Variants in AGBL1 observed in about 807,000 individuals in gnomAD.
AGBL1 encodes AGBL carboxypeptidase 1, also known as cytosolic carboxypeptidase 4.
A neutral mutation model predicts 118.9 loss-of-function variants in AGBL1; 130 were observed. That is an observed-to-expected ratio of 1.09 (90% CI 0.95 to 1.26). AGBL1 has a LOEUF of 1.26. Among genes scored for constraint, AGBL1 ranks in the 50% most tolerant of loss-of-function variants. The pLI is 0.00. For synonymous variants in AGBL1, 555 were observed against 478.9 expected, an observed-to-expected ratio of 1.16 and a Z score of -2.08; for missense variants, 1,584 against 1,298.1, an observed-to-expected ratio of 1.22 and a Z score of -3.38.
At chr15:86,541,361 G>T (rs1345971347) in intron 19 of AGBL1, among the ~76,000 whole-genome samples, 2 of 152,044 alleles carry the variant, frequency 1.3e-5, no homozygotes, top group African/African-American at 4.8e-5. Flanking sequence ...AAGACCTCCA[G>T]GTTATTCTGA....
At chr15:86,176,761 A>T (rs1462496013) in intron 5 of AGBL1, among the ~76,000 whole-genome samples, 1 of 152,058 alleles carries the variant, frequency 6.6e-6, no homozygotes, top group Non-Finnish European at 1.5e-5. Flanking sequence ...CCTAAACTAC[A>T]TCTCTGGAAC....
At chr15:86,816,547 T>G (rs1230188325) in intron 22 of AGBL1, among the ~76,000 whole-genome samples, 2 of 152,050 alleles carry the variant, frequency 1.3e-5, no homozygotes, top group African/African-American at 4.8e-5. Context: ...TAAGAGAAGG[T>G]GACAGGTAAA....
chr15:86,528,299 G>C (rs1291773918), intron 19 of AGBL1, among the ~76,000 whole-genome samples: 1 of 152,244 alleles, frequency 6.6e-6, no homozygotes, highest in Non-Finnish European at 1.5e-5. Flanking sequence ...CACCTGGGAA[G>C]CGCAAGGGGT....
chr15:86,208,118 A>G (rs1300603030), intron 5 of AGBL1, among the ~76,000 whole-genome samples: 3 of 152,078 alleles, frequency 2.0e-5, no homozygotes, highest in Non-Finnish European at 4.4e-5. Context: ...GTGATGGATT[A>G]TGTTTATTGA....
At chr15:86,265,648 C>T (rs2079059990) in intron 11 of AGBL1, among the ~76,000 whole-genome samples, 1 of 152,094 alleles carries the variant, frequency 6.6e-6, no homozygotes, top group South Asian at 2.1e-4. Context: ...TCCAACCCTA[C>T]CCCCTGCACT....
intron 22 of AGBL1, among the ~76,000 whole-genome samples, chr15:86,826,993 CTT>C (rs1440353290): frequency 1.3e-5 from 2 of 151,664 alleles, no homozygotes; most frequent in Non-Finnish European, 2.9e-5. Context: ...ATCAAGGTGA[CTT>C]TTGATTAAAG....
intron 21 of AGBL1, among the ~76,000 whole-genome samples, chr15:86,563,232 T>A (rs1264366039): frequency 1.3e-5 from 2 of 152,156 alleles, no homozygotes; most frequent in Non-Finnish European, 2.9e-5. Context: ...TCAATTGTGA[T>A]GTTAGGGTGT....
chr15:86,774,663 G>A (rs1024693831), intron 22 of AGBL1, among the ~76,000 whole-genome samples: 2 of 152,074 alleles, frequency 1.3e-5, no homozygotes, highest in African/African-American at 4.8e-5. Flanking sequence ...CTAGTGGAAA[G>A]TTAAGAATGG....
chr15:86,185,677 G>A (rs2056987367), intron 5 of AGBL1, among the ~76,000 whole-genome samples: 1 of 150,344 alleles, frequency 6.7e-6, no homozygotes, highest in Admixed American at 6.7e-5. Flanking sequence ...AACACTGCAT[G>A]TTCCCGCTCA....
At chr15:86,298,246 A>AATATATATAT (rs59968237) in intron 17 of AGBL1, among the ~76,000 whole-genome samples, 1,190 of 69,492 alleles carry the variant, frequency 0.017, 31 homozygotes, top group African/African-American at 0.038. Flanking sequence ...GTCTGTGTAT[A>AATATATATAT]ATATATATAT....
intron 17 of AGBL1, among the ~76,000 whole-genome samples, chr15:86,334,911 A>G (rs540095365): frequency 1.6e-4 from 24 of 152,196 alleles, no homozygotes; most frequent in Non-Finnish European, 3.5e-4. Flanking sequence ...ATAAGAAACT[A>G]TGAAAATCAA....
At chr15:86,465,482 G>A (rs570386770) in intron 18 of AGBL1, among the ~76,000 whole-genome samples, 9 of 152,302 alleles carry the variant, frequency 5.9e-5, no homozygotes, top group East Asian at 1.9e-4. Flanking sequence ...GACTGCCTGC[G>A]GGGCCGGGAA....
chr15:86,579,491 A>T (rs1266703506), intron 21 of AGBL1, among the ~76,000 whole-genome samples: 1 of 152,214 alleles, frequency 6.6e-6, no homozygotes, highest in Non-Finnish European at 1.5e-5. Context: ...TACTTTCTCC[A>T]CGTAAGTCTC....
intron 17 of AGBL1, among the ~76,000 whole-genome samples, chr15:86,390,314 C>T (rs114938763): frequency 6.6e-6 from 1 of 152,042 alleles, no homozygotes. Context: ...TAACATACCA[C>T]TCTCAATAAT....
intron 24 of AGBL1, among the ~76,000 whole-genome samples, chr15:87,012,229 G>A (rs954538787): frequency 3.8e-5 from 4 of 106,252 alleles, no homozygotes; most frequent in Non-Finnish European, 6.3e-5. Flanking sequence ...ACACACACAC[G>A]CTTGCATATC....
rs77764935 is a variant in AGBL1 at position 86,822,489 on chromosome 15, T to C, written c.3159-84598T>C. On this transcript the variant is annotated intron_variant, in intron 22 of 22. Transcript: ENST00000614907. Reference sequence around the variant, plus strand: ...CTCTGTGACCTTCACCTGTGCATAATTGGGATGAGGTGAAGGTGGAACGCA... The same window carrying C: ...CTCTGTGACCTTCACCTGTGCATAACTGGGATGAGGTGAAGGTGGAACGCA... 2.4e-3 allele frequency among the ~76,000 whole-genome samples: 367 copies of C among 152,140 alleles called. 2 individuals are homozygous for C. Among genetic ancestry groups the C allele is most frequent in the African/African-American group, 8.3e-3 (344 of 41,510 alleles).
chr15:86,995,516 C>T (rs1015749040), intron 24 of AGBL1, among the ~76,000 whole-genome samples: 12 of 151,904 alleles, frequency 7.9e-5, no homozygotes, highest in Admixed American at 2.0e-4. Flanking sequence ...ACTTCTGGGG[C>T]GAAAGTCTTT....
At chr15:86,755,695 C>T (rs1202816147) in intron 22 of AGBL1, among the ~76,000 whole-genome samples, 1 of 152,130 alleles carries the variant, frequency 6.6e-6, no homozygotes, top group Non-Finnish European at 1.5e-5. Context: ...CATGTACTTT[C>T]CTGCCTGACT....
intron 22 of AGBL1, among the ~76,000 whole-genome samples, chr15:86,822,371 CA>C (rs1379061556): frequency 6.6e-6 from 1 of 152,110 alleles, no homozygotes; most frequent in Non-Finnish European, 1.5e-5. Context: ...ATTAGTATAG[CA>C]CCAGCATTTG....
Sources: gnomAD v4.1 joint callset for allele counts (sites outside exome capture counted in the v4.1 genomes callset) on GRCh38, gnomAD v4.1.1 for gene constraint, MANE v1.5 for transcripts, NCBI Gene and HGNC (gene_info 2026-07-23, HGNC 2026-07-21) for gene names.